Variants in AGBL3 observed in about 807,000 individuals in gnomAD.
AGBL3 encodes AGBL carboxypeptidase 3.
A neutral mutation model predicts 94.5 loss-of-function variants in AGBL3; 68 were observed. The observed-to-expected ratio is 0.72, with a 90% CI of 0.59 to 0.88. AGBL3 has a LOEUF of 0.88. Ranked by LOEUF, AGBL3 falls within the 40% of genes least tolerant of loss-of-function variation. The pLI is 0.00. For missense variants in AGBL3, 934 were observed against 1,103.8 expected (o/e 0.85, Z 2.18); for synonymous variants, 354 against 370.7 (o/e 0.95, Z 0.52).
intron 8 of AGBL3, among the ~76,000 whole-genome samples, chr7:135,043,589 G>T (rs1273951104): frequency 6.6e-6 from 1 of 151,954 alleles, no homozygotes; most frequent in African/African-American, 2.4e-5. Context: ...AGTATAATTG[G>T]GTTATTTGTA....
chr7:135,102,847 C>G (rs887570509), intron 15 of AGBL3, among the ~76,000 whole-genome samples: 1 of 152,078 alleles, frequency 6.6e-6, no homozygotes, highest in African/African-American at 2.4e-5. Flanking sequence ...GGGAGAGAAT[C>G]TTTATGGTCT....
At chr7:135,045,131 G>C (rs1817235850) in intron 9 of AGBL3, among the ~76,000 whole-genome samples, 1 of 151,890 alleles carries the variant, frequency 6.6e-6, no homozygotes, top group South Asian at 2.1e-4. Context: ...TATAACATTT[G>C]TGATGATGAA....
chr7:135,092,947 G>A (rs1310609172), intron 15 of AGBL3: 1 of 151,744 alleles, frequency 6.6e-6, no homozygotes, highest in Admixed American at 6.6e-5. Context: ...CTCAATAGAT[G>A]CAGAAAAAGT....
intron 4 of AGBL3, among the ~76,000 whole-genome samples, chr7:135,001,168 T>A (rs1811669715): frequency 6.6e-6 from 1 of 152,212 alleles, no homozygotes; most frequent in East Asian, 1.9e-4. Context: ...TCCGTTTTAA[T>A]CTCAACTTTC....
At chr7:135,113,237 T>C (rs986179334) in intron 15 of AGBL3, among the ~76,000 whole-genome samples, 1 of 152,202 alleles carries the variant, frequency 6.6e-6, no homozygotes, top group African/African-American at 2.4e-5. Flanking sequence ...TTATTTTCCT[T>C]TTAAGAATAG....
chr7:135,043,570 A>T (rs1817071181), intron 8 of AGBL3, among the ~76,000 whole-genome samples: 1 of 152,172 alleles, frequency 6.6e-6, no homozygotes. Context: ...ACATTTTTAA[A>T]AAAGTAAAAG....
chr7:135,051,326 G>A (rs1817856202), intron 11 of AGBL3, among the ~76,000 whole-genome samples: 1 of 151,862 alleles, frequency 6.6e-6, no homozygotes, highest in Admixed American at 6.6e-5. Context: ...AATATTGGAT[G>A]TGCTCTAATC....
chr7:135,089,705 T>G (rs1318167211), intron 15 of AGBL3, among the ~76,000 whole-genome samples: 2 of 152,262 alleles, frequency 1.3e-5, no homozygotes, highest in African/African-American at 4.8e-5. Flanking sequence ...ATCTCTTCAC[T>G]GTTAAGGGCT....
Position 135,045,383 on chromosome 7 carries a change from T to C in AGBL3, c.1628-91T>C, listed in dbSNP as rs1427709465. 1.1e-5 allele frequency: 11 copies of C among 987,566 alleles called. No homozygotes were observed. In the Admixed American group the frequency reaches 2.1e-4, roughly 19 times the overall value. 61.2% of individuals were successfully genotyped at this position (987,566 alleles called of 1,614,324 possible). A position where few individuals can be genotyped will look rare whatever the true frequency, so the allele number is the denominator to read the frequency against. ...CTAAAGGATAGGATATGGAATCATA[T>C]CAATGTTTTGTTTATAGTGTTTTGC... On this transcript the variant is annotated intron_variant, in intron 9 of 16. Coordinates refer to ENST00000436302, the MANE Select transcript of AGBL3 (RefSeq NM_178563.4).
At chr7:134,994,916 C>T (rs1013639246) in intron 4 of AGBL3, among the ~76,000 whole-genome samples, 2 of 152,048 alleles carry the variant, frequency 1.3e-5, no homozygotes, top group South Asian at 4.1e-4. Flanking sequence ...TAGTATAGGA[C>T]ATCTCTCTCT....
At chr7:135,058,849 T>A (rs1355590429) in intron 11 of AGBL3, among the ~76,000 whole-genome samples, 1 of 152,088 alleles carries the variant, frequency 6.6e-6, no homozygotes, top group African/African-American at 2.4e-5. Context: ...CTCCGCCTCC[T>A]GGGCCCAGGA....
chr7:135,096,231 GTGT>G (rs1370641313), intron 15 of AGBL3, among the ~76,000 whole-genome samples: 7 of 152,136 alleles, frequency 4.6e-5, no homozygotes, highest in Admixed American at 2.0e-4. Context: ...CTTAATTTCA[GTGT>G]TGTGTATATT....
chr7:135,093,713 T>C (rs1177109777), intron 15 of AGBL3: 1 of 152,164 alleles, frequency 6.6e-6, no homozygotes, highest in African/African-American at 2.4e-5. Context: ...GCAATCCCTA[T>C]CAAAATGTCA....
At chr7:135,067,385 AGAG>A (rs1819437101) in intron 12 of AGBL3, among the ~76,000 whole-genome samples, 1 of 152,202 alleles carries the variant, frequency 6.6e-6, no homozygotes, top group Admixed American at 6.5e-5. Flanking sequence ...AGCTTTGAAG[AGAG>A]TAGTGGTTCT....
chr7:135,042,175 C>T (rs546403416), intron 8 of AGBL3, among the ~76,000 whole-genome samples: 1 of 152,210 alleles, frequency 6.6e-6, no homozygotes, highest in Admixed American at 6.5e-5. Flanking sequence ...TAGGTATTTA[C>T]CCTTGAGAAA....
At chr7:135,007,588 C>T (rs1037289596) in intron 4 of AGBL3, among the ~76,000 whole-genome samples, 1 of 151,870 alleles carries the variant, frequency 6.6e-6, no homozygotes, top group African/African-American at 2.4e-5. Flanking sequence ...AGATGCTTTC[C>T]CCATAAGGTC....
At position 135,096,742 on chromosome 7, in the gene AGBL3, TGAAAGAAAGAAAGAAAGAAA is replaced by T. The variant is rs3038284; in HGVS notation, c.2110+14985_2110+15004del. 7.4e-3 allele frequency among the ~76,000 whole-genome samples: 752 copies of T among 101,180 alleles called. 9 individuals are homozygous for T. Among genetic ancestry groups the T allele is most frequent in the African/African-American group, 0.026 (675 of 26,252 alleles). The allele number at this position is 101,180 out of a possible 152,430, so 66.4% of individuals were successfully genotyped here. ...AAAGAGAAGAAAGAAAGAGAAAGAA[TGAAAGAAAGAAAGAAAGAAA>T]GAAAGAAAGAAAGAAAGAAAGAAAG... is the stretch of plus-strand genomic sequence containing the variant. On this transcript the variant is annotated intron_variant, in intron 15 of 16. Transcript: ENST00000436302.
rs1359547457 is a variant in AGBL3, at chr7:135,044,105, CAGGA to C, written c.1583_1586del (p.Arg528ThrfsTer53). The C allele has an allele frequency of 3.2e-6, 5 of 1,550,800 alleles. No individual in the cohort carries two copies. In the South Asian group the frequency reaches 6.0e-5, roughly 18 times the overall value. On this transcript the variant is annotated frameshift_variant, in exon 9 of 17. Transcript: ENST00000436302. LOFTEE classifies it high-confidence loss of function. ...GGGTGGTAATGTGGAAAATGGGAATCAGGAACAGCTTTACCATGGAGGCCACCTT... is the reference window on the plus strand; with the variant it reads ...GGGTGGTAATGTGGAAAATGGGAATCACAGCTTTACCATGGAGGCCACCTT...
intron 16 of AGBL3, among the ~76,000 whole-genome samples, chr7:135,118,234 T>C (rs138246175): frequency 0.011 from 1,656 of 152,342 alleles, 25 homozygotes; most frequent in African/African-American, 0.036. Context: ...AATACCTCAC[T>C]ATTTGTCTGT....
Sources: gnomAD v4.1 joint callset for allele counts (sites outside exome capture counted in the v4.1 genomes callset) on GRCh38, gnomAD v4.1.1 for gene constraint, MANE v1.5 for transcripts, NCBI Gene and HGNC (gene_info 2026-07-23, HGNC 2026-07-21) for gene names.